Variants in OR1B1 observed in about 807,000 individuals in gnomAD.
The protein encoded by OR1B1 is olfactory receptor family 1 subfamily B member 1.
For missense variants in OR1B1, 414 were observed against 402.1 expected (o/e 1.03, Z -0.25); for synonymous variants, 168 against 156.2 (o/e 1.08, Z -0.57).
chr9:122,656,047 A>C, the OR1B1 span, among the ~76,000 whole-genome samples: 1 of 152,158 alleles, frequency 6.6e-6, no homozygotes, highest in Admixed American at 6.5e-5. Flanking sequence ...CTTATTTCCA[A>C]AATGGGTATA....
exon 1 of OR1B1, chr9:122,628,957 G>A: frequency 6.2e-7 from 1 of 1,614,120 alleles, no homozygotes; most frequent in Non-Finnish European, 8.5e-7. Flanking sequence ...CAGAACAAGA[G>A]GCTCGCAGAA....
the OR1B1 span, among the ~76,000 whole-genome samples, chr9:122,654,357 T>C: frequency 6.6e-6 from 1 of 152,338 alleles, no homozygotes; most frequent in East Asian, 1.9e-4. Flanking sequence ...TCACAGCATC[T>C]ATCTGATTCC....
chr9:122,636,048 A>C, the OR1B1 span, among the ~76,000 whole-genome samples: 2 of 152,206 alleles, frequency 1.3e-5, no homozygotes, highest in African/African-American at 4.8e-5. Context: ...CTTTCATGGA[A>C]TGTCCTCCCA....
upstream of OR1B1, among the ~76,000 whole-genome samples, chr9:122,633,006 C>A (rs1286262468): frequency 1.3e-5 from 2 of 152,104 alleles, no homozygotes; most frequent in Admixed American, 1.3e-4. Flanking sequence ...TGCAGGGAAA[C>A]TCCCCTTTAT....
chr9:122,629,753 A>G (rs768487944), upstream of OR1B1, among the ~76,000 whole-genome samples: 20 of 151,968 alleles, frequency 1.3e-4, no homozygotes, highest in Non-Finnish European at 2.6e-4. Context: ...CTTTTCACCC[A>G]CCCTAGTGAC....
chr9:122,640,506 A>T, the OR1B1 span, among the ~76,000 whole-genome samples: 1 of 152,194 alleles, frequency 6.6e-6, no homozygotes, highest in Admixed American at 6.5e-5. Context: ...ATAAAAGGAG[A>T]CAGAAGAAAA....
the OR1B1 span, among the ~76,000 whole-genome samples, chr9:122,643,303 A>C: frequency 3.9e-5 from 6 of 152,110 alleles, no homozygotes; most frequent in Non-Finnish European, 7.4e-5. Context: ...CACTGTGGGG[A>C]GGGAGAGCAC....
the OR1B1 span, among the ~76,000 whole-genome samples, chr9:122,643,662 C>T: frequency 4.1e-4 from 62 of 152,318 alleles, no homozygotes; most frequent in African/African-American, 1.4e-3. Flanking sequence ...TGGCGCCATA[C>T]CTCCTCCAAA....
At chr9:122,643,864 G>C in the OR1B1 span, among the ~76,000 whole-genome samples, 2 of 152,298 alleles carry the variant, frequency 1.3e-5, no homozygotes, top group African/African-American at 4.8e-5. Flanking sequence ...TTGGCCAAAA[G>C]GGAACCCACT....
chr9:122,651,271 G>T, the OR1B1 span, among the ~76,000 whole-genome samples: 2 of 152,108 alleles, frequency 1.3e-5, no homozygotes, highest in African/African-American at 4.8e-5. Flanking sequence ...TCAGATCAGG[G>T]TAATTAGCAT....
At chr9:122,651,963 A>G in the OR1B1 span, among the ~76,000 whole-genome samples, 1 of 152,078 alleles carries the variant, frequency 6.6e-6, no homozygotes, top group African/African-American at 2.4e-5. Context: ...ACACATTGCT[A>G]ATTTTTAATT....
chr9:122,640,402 C>T, the OR1B1 span, among the ~76,000 whole-genome samples: 4 of 152,108 alleles, frequency 2.6e-5, no homozygotes, highest in African/African-American at 7.2e-5. Context: ...TTCTACAGTT[C>T]TTGTTGAAAA....
chr9:122,641,423 T>C, the OR1B1 span, among the ~76,000 whole-genome samples: 1 of 152,174 alleles, frequency 6.6e-6, no homozygotes, highest in African/African-American at 2.4e-5. Context: ...CGGCAAGGGT[T>C]AGAGACATAG....
At chr9:122,638,966 C>A in the OR1B1 span, among the ~76,000 whole-genome samples, 2 of 152,302 alleles carry the variant, frequency 1.3e-5, no homozygotes, top group African/African-American at 4.8e-5. Context: ...TTTAACTAAT[C>A]ATAAGCTTTG....
chr9:122,630,695 T>C (rs569738952), upstream of OR1B1, among the ~76,000 whole-genome samples: 1 of 133,450 alleles, frequency 7.5e-6, no homozygotes, highest in Non-Finnish European at 1.8e-5. Flanking sequence ...CTATCCAGGG[T>C]TTTTTTGTTT....
At chr9:122,649,284 A>C in the OR1B1 span, among the ~76,000 whole-genome samples, 2 of 151,848 alleles carry the variant, frequency 1.3e-5, no homozygotes, top group Admixed American at 1.3e-4. Flanking sequence ...GGTAAGACCT[A>C]AAACCATAAA....
At chr9:122,632,409 A>C (rs1012926876), upstream of OR1B1, among the ~76,000 whole-genome samples, 1 of 152,222 alleles carries the variant, frequency 6.6e-6, no homozygotes, top group Non-Finnish European at 1.5e-5. Flanking sequence ...GAGAGAAGTT[A>C]GTTCTTTTAA....
chr9:122,649,233 C>A, the OR1B1 span, among the ~76,000 whole-genome samples: 3 of 152,154 alleles, frequency 2.0e-5, no homozygotes, highest in African/African-American at 7.2e-5. Flanking sequence ...ATTCCTTACA[C>A]CTGATACAAA....
exon 1 of OR1B1, chr9:122,628,848 C>T (rs1476859): frequency 0.32 from 512,352 of 1,613,554 alleles, 93,114 homozygotes; most frequent in East Asian, 0.81. Context: ...CGTAGAATAG[C>T]GGCCCCAATT....
Sources: allele counts gnomAD v4.1 joint callset (sites outside exome capture counted in the v4.1 genomes callset), GRCh38; gene constraint gnomAD v4.1.1; transcripts MANE v1.5; gene names NCBI Gene and HGNC (gene_info 2026-07-23, HGNC 2026-07-21).